Variants in COX7B2 observed in about 807,000 individuals in gnomAD.
The protein encoded by COX7B2 is cytochrome c oxidase subunit 7B2.
For missense variants in COX7B2, 109 were observed against 95.9 expected, an observed-to-expected ratio of 1.14 and a Z score of -0.57; for synonymous variants, 37 against 32.1, an observed-to-expected ratio of 1.15 and a Z score of -0.51.
intron 2 of COX7B2, among the ~76,000 whole-genome samples, chr4:46,785,700 A>G (rs1029096843): frequency 6.6e-6 from 1 of 152,230 alleles, no homozygotes. Flanking sequence ...AGATATTAAT[A>G]AAAGGACAAG....
chr4:46,745,170 G>C (rs2109411670), intron 2 of COX7B2, among the ~76,000 whole-genome samples: 1 of 152,278 alleles, frequency 6.6e-6, no homozygotes, highest in East Asian at 1.9e-4. Flanking sequence ...ATTTAGATTG[G>C]AATATTTAGC....
chr4:46,804,791 G>A (rs1050898133), intron 2 of COX7B2, among the ~76,000 whole-genome samples: 35 of 152,248 alleles, frequency 2.3e-4, no homozygotes, highest in Admixed American at 3.9e-4. Flanking sequence ...TACCGGGGCC[G>A]CAGGTGGAGC....
intron 2 of COX7B2, among the ~76,000 whole-genome samples, chr4:46,825,733 C>T (rs1714645364): frequency 6.6e-6 from 1 of 151,624 alleles, no homozygotes; most frequent in South Asian, 2.1e-4. Flanking sequence ...AGGCCACACC[C>T]ACAACTATCT....
intron 2 of COX7B2, among the ~76,000 whole-genome samples, chr4:46,757,727 G>T (rs1715886548): frequency 6.6e-6 from 1 of 152,088 alleles, no homozygotes; most frequent in Non-Finnish European, 1.5e-5. Flanking sequence ...TCACTGTTGT[G>T]TAAGTCTGTC....
chr4:46,787,311 G>T (rs139904518), intron 2 of COX7B2, among the ~76,000 whole-genome samples: 3 of 152,228 alleles, frequency 2.0e-5, no homozygotes, highest in African/African-American at 7.2e-5. Flanking sequence ...GCCAGGCGTG[G>T]TGGTGCATAC....
At chr4:46,892,527 G>A (rs550258456) in intron 1 of COX7B2, among the ~76,000 whole-genome samples, 44 of 152,282 alleles carry the variant, frequency 2.9e-4, no homozygotes, top group African/African-American at 1.1e-3. Flanking sequence ...TTATATGGAA[G>A]ATAGAGCCTT....
intron 2 of COX7B2, among the ~76,000 whole-genome samples, chr4:46,841,233 G>C (rs948425199): frequency 6.6e-6 from 1 of 151,742 alleles, no homozygotes; most frequent in Non-Finnish European, 1.5e-5. Context: ...ATCCAGTTAG[G>C]AAACTATTCC....
At chr4:46,826,144 C>G (rs532763263) in intron 2 of COX7B2, among the ~76,000 whole-genome samples, 1 of 151,728 alleles carries the variant, frequency 6.6e-6, no homozygotes, top group African/African-American at 2.4e-5. Context: ...CAGTCTAACA[C>G]GCAGCATCTA....
intron 1 of COX7B2, among the ~76,000 whole-genome samples, chr4:46,846,557 T>C (rs1199831550): frequency 6.6e-6 from 1 of 151,516 alleles, no homozygotes; most frequent in Non-Finnish European, 1.5e-5. Context: ...GGGGGAAGAG[T>C]GTTCCAGTAA....
At chr4:46,904,564 C>T (rs898293746) in intron 1 of COX7B2, among the ~76,000 whole-genome samples, 38 of 152,014 alleles carry the variant, frequency 2.5e-4, no homozygotes, top group African/African-American at 8.5e-4. Flanking sequence ...ACTCTGTTAA[C>T]GAAACAGATC....
At chr4:46,891,982 T>C (rs1276337817) in intron 1 of COX7B2, among the ~76,000 whole-genome samples, 3 of 152,194 alleles carry the variant, frequency 2.0e-5, no homozygotes, top group African/African-American at 7.2e-5. Context: ...TTCTGGTAAA[T>C]TTACTTTTAG....
intron 1 of COX7B2, among the ~76,000 whole-genome samples, chr4:46,887,902 G>A (rs918564024): frequency 6.6e-6 from 1 of 151,964 alleles, no homozygotes; most frequent in Non-Finnish European, 1.5e-5. Context: ...GGATTCTGTT[G>A]TCGTCTCCTA....
chr4:46,889,453 T>A (rs1719287117), intron 1 of COX7B2, among the ~76,000 whole-genome samples: 1 of 152,208 alleles, frequency 6.6e-6, no homozygotes, highest in East Asian at 1.9e-4. Context: ...AACTCAAGCT[T>A]TCATTGATTA....
At chr4:46,907,465 T>C (rs1720461393) in intron 1 of COX7B2, among the ~76,000 whole-genome samples, 1 of 152,208 alleles carries the variant, frequency 6.6e-6, no homozygotes, top group African/African-American at 2.4e-5. Context: ...CATGAGACTT[T>C]TTAATTGCTT....
intron 1 of COX7B2, among the ~76,000 whole-genome samples, chr4:46,891,127 C>A (rs1219212876): frequency 1.3e-5 from 2 of 152,090 alleles, no homozygotes; most frequent in Non-Finnish European, 2.9e-5. Context: ...GAGATTATCC[C>A]AAAATTTCTC....
At chr4:46,787,460 A>T (rs962244592) in intron 2 of COX7B2, among the ~76,000 whole-genome samples, 1 of 151,956 alleles carries the variant, frequency 6.6e-6, no homozygotes, top group Non-Finnish European at 1.5e-5. Flanking sequence ...ATAAAAAAAA[A>T]TAAAAAAAAA....
chr4:46,840,167 C>T (rs1715835551), intron 2 of COX7B2, among the ~76,000 whole-genome samples: 1 of 151,946 alleles, frequency 6.6e-6, no homozygotes, highest in Admixed American at 6.6e-5. Flanking sequence ...TAGTTCCAGT[C>T]ATCATGTCTA....
intron 2 of COX7B2, among the ~76,000 whole-genome samples, chr4:46,739,698 G>A (rs1714590378): frequency 6.6e-6 from 1 of 152,044 alleles, no homozygotes; most frequent in Non-Finnish European, 1.5e-5. Flanking sequence ...TGTTGGTGGG[G>A]AGGAATACAG....
chr4:46,886,693 G>A (rs939250738), intron 1 of COX7B2, among the ~76,000 whole-genome samples: 1 of 152,094 alleles, frequency 6.6e-6, no homozygotes, highest in African/African-American at 2.4e-5. Context: ...AAATAAAAAT[G>A]TCAGAATATA....
Sources: allele counts gnomAD v4.1 joint callset (sites outside exome capture counted in the v4.1 genomes callset), GRCh38; gene constraint gnomAD v4.1.1; transcripts MANE v1.5; gene names NCBI Gene and HGNC (gene_info 2026-07-23, HGNC 2026-07-21).